The following DTNA variants were observed in gnomAD, a reference collection of about 807,000 sequenced individuals.
The protein encoded by DTNA is dystrophin-related protein 3.
DTNA carries 43 observed loss-of-function variants against 100.7 expected under a neutral mutation model. That is an observed-to-expected ratio of 0.43 (90% CI 0.33 to 0.55). DTNA has a LOEUF of 0.55. Ranked by LOEUF, DTNA falls within the 20% of genes least tolerant of loss-of-function variation. The pLI is 0.04. For missense variants in DTNA, 798 were observed against 953.9 expected, an observed-to-expected ratio of 0.84 and a Z score of 2.15; for synonymous variants, 349 against 347.9, an observed-to-expected ratio of 1.00 and a Z score of -0.04.
upstream of DTNA, chr18:34,708,027 T>C (rs1028146870): frequency 6.6e-6 from 1 of 152,232 alleles, no homozygotes; most frequent in Middle Eastern, 3.2e-3. Context: ...CAACATTCAC[T>C]TTATTCTTTC....
Position 34,698,373 on chromosome 18 carries a change from G to T in DTNA, c.-1-57603G>T, listed in dbSNP as rs773181696. ...TGGCAGGGCCATTCTCCCTATGAAGGTTCTGCGGAAGAATCCCCCCTTGCC... is the reference window on the plus strand; with the variant it reads ...TGGCAGGGCCATTCTCCCTATGAAGTTTCTGCGGAAGAATCCCCCCTTGCC... On this transcript the variant is annotated intron_variant, in intron 1 of 19. Coordinates refer to the DTNA transcript ENST00000283365. Among the ~76,000 whole-genome samples the T allele has an allele frequency of 7.2e-5, 11 of 152,228 alleles. 1 individual carries two copies. In the South Asian group the frequency reaches 2.1e-3, roughly 29 times the overall value.
rs145120183 is a variant in DTNA, at chr18:34,667,354, T to C, written c.-1-88622T>C. On this transcript the variant is annotated intron_variant, in intron 1 of 19. Coordinates refer to the DTNA transcript ENST00000283365. ...ACGATGGGGTTTTCTAGATATACAATCATGTCATCCGCAAACAGCGACAAT... is the reference window on the plus strand; with the variant it reads ...ACGATGGGGTTTTCTAGATATACAACCATGTCATCCGCAAACAGCGACAAT... 8.5e-3 allele frequency among the ~76,000 whole-genome samples: 1,291 copies of C among 152,340 alleles called. 19 individuals carry two copies. The highest frequency in any genetic ancestry group is 0.029 in the African/African-American group (1,211 of 41,574).
chr18:34,753,374 T>A (rs1231186189), intron 1 of DTNA, among the ~76,000 whole-genome samples: 13 of 94,396 alleles, frequency 1.4e-4, no homozygotes, highest in Non-Finnish European at 2.0e-4. Flanking sequence ...TTATTTTTTT[T>A]TTTTTTTTAT....
At chr18:34,615,933 ACTGCATAGTATTC>A (rs921472009) in intron 1 of DTNA, among the ~76,000 whole-genome samples, 1 of 152,034 alleles carries the variant, frequency 6.6e-6, no homozygotes, top group Admixed American at 6.5e-5. Context: ...CTTTTTTATG[ACTGCATAGTATTC>A]CATAGAGTAT....
chr18:34,745,414 G>A (rs1424173591), intron 1 of DTNA, among the ~76,000 whole-genome samples: 1 of 152,092 alleles, frequency 6.6e-6, no homozygotes, highest in African/African-American at 2.4e-5. Flanking sequence ...TAGAATTGGG[G>A]GAGGATCTAT....
At chr18:34,691,474 G>A (rs948539416) in intron 1 of DTNA, among the ~76,000 whole-genome samples, 1 of 152,218 alleles carries the variant, frequency 6.6e-6, no homozygotes, top group African/African-American at 2.4e-5. Context: ...ACAAAGCACA[G>A]TGGAGTTCCT....
intron 1 of DTNA, among the ~76,000 whole-genome samples, chr18:34,618,246 A>G (rs1024617017): frequency 6.6e-6 from 1 of 152,192 alleles, no homozygotes; most frequent in African/African-American, 2.4e-5. Context: ...CATTTTTGAC[A>G]TATATGATAA....
At chr18:34,823,718 T>G (rs1276808029) in intron 9 of DTNA, among the ~76,000 whole-genome samples, 2 of 152,226 alleles carry the variant, frequency 1.3e-5, no homozygotes, top group East Asian at 3.8e-4. Flanking sequence ...CTAAATAATT[T>G]ATTAAGCAAT....
At chr18:34,876,586 G>T (rs2096820969) in intron 18 of DTNA, among the ~76,000 whole-genome samples, 1 of 152,068 alleles carries the variant, frequency 6.6e-6, no homozygotes, top group African/African-American at 2.4e-5. Context: ...ATCACTTTTT[G>T]CCTAGAAGAT....
chr18:34,615,501 C>CA (rs2055083755), intron 1 of DTNA, among the ~76,000 whole-genome samples: 1 of 152,046 alleles, frequency 6.6e-6, no homozygotes, highest in Admixed American at 6.6e-5. Context: ...TCTCCATGGG[C>CA]AAAAAGAGTA....
intron 4 of DTNA, among the ~76,000 whole-genome samples, chr18:34,802,704 T>A (rs75316316): frequency 6.6e-6 from 1 of 152,220 alleles, no homozygotes; most frequent in African/African-American, 2.4e-5. Flanking sequence ...TAAAATAATT[T>A]TGTGCAGAAT....
In DTNA at chr18:34,888,706, T is replaced by C. The variant is rs1409678127; in HGVS notation, c.*972T>C. ...AAGATCCCCAAACGGACTAAAGTTA[T>C]CTCTGCTCTTCCATGGTCTTGTTCC... On this transcript the variant is annotated 3_prime_UTR_variant, in exon 23 of 23. Coordinates refer to ENST00000444659, the MANE Select transcript of DTNA (RefSeq NM_001386795.1). 9.1e-6 allele frequency: 9 copies of C among 985,898 alleles called. No individual in the cohort carries two copies. Among genetic ancestry groups the C allele is most frequent in the Non-Finnish European group, 1.1e-5 (9 of 829,954 alleles). The allele number at this position is 985,898 out of a possible 1,614,324, so 61.1% of individuals were successfully genotyped here.
chr18:34,834,846 G>A (rs1362501532), intron 11 of DTNA, among the ~76,000 whole-genome samples: 5 of 152,174 alleles, frequency 3.3e-5, no homozygotes, highest in South Asian at 2.1e-4. Flanking sequence ...TCAACATGAA[G>A]TTTGGAGGGG....
At chr18:34,841,822 A>G (rs969638971) in intron 13 of DTNA, among the ~76,000 whole-genome samples, 2 of 152,218 alleles carry the variant, frequency 1.3e-5, no homozygotes, top group South Asian at 2.1e-4. Context: ...ATTCAGACCT[A>G]ATCCTGATTA....
At chr18:34,550,847 T>A (rs1052106367) in intron 1 of DTNA, among the ~76,000 whole-genome samples, 18 of 152,096 alleles carry the variant, frequency 1.2e-4, no homozygotes, top group African/African-American at 3.1e-4. Flanking sequence ...AGGAAAAAAA[T>A]TTCATTTTCC....
At chr18:34,810,426 T>C (rs1439568821) in intron 5 of DTNA, among the ~76,000 whole-genome samples, 1 of 151,226 alleles carries the variant, frequency 6.6e-6, no homozygotes, top group Non-Finnish European at 1.5e-5. Context: ...GTAAAATAAG[T>C]CACGCACGGA....
chr18:34,818,568 T>C, intron 8 of DTNA: 1 of 1,385,762 alleles, frequency 7.2e-7, no homozygotes, highest in Non-Finnish European at 9.4e-7. Flanking sequence ...ATGTTACTTC[T>C]TGGAATATAG....
intron 1 of DTNA, among the ~76,000 whole-genome samples, chr18:34,626,657 C>G (rs377607804): frequency 6.6e-6 from 1 of 152,090 alleles, no homozygotes; most frequent in Non-Finnish European, 1.5e-5. Context: ...CAGGGAAGAT[C>G]AGTTCAATTT....
chr18:34,859,749 C>A (rs2096595297), intron 16 of DTNA, among the ~76,000 whole-genome samples: 1 of 151,734 alleles, frequency 6.6e-6, no homozygotes, highest in Non-Finnish European at 1.5e-5. Flanking sequence ...CTGACTCAAT[C>A]AGATTCTGCC....
Sources: gnomAD v4.1 joint callset for allele counts (sites outside exome capture counted in the v4.1 genomes callset) on GRCh38, gnomAD v4.1.1 for gene constraint, MANE v1.5 for transcripts, NCBI Gene and HGNC (gene_info 2026-07-23, HGNC 2026-07-21) for gene names.